UBXN2A: variants seen among roughly 807,000 people sequenced by gnomAD.
The protein encoded by UBXN2A is UBX domain protein 2A.
UBXN2A carries 28 observed loss-of-function variants against 28.4 expected under a neutral mutation model. That is an observed-to-expected ratio of 0.99 (90% CI 0.73 to 1.35). The LOEUF is 1.35. Among genes scored for constraint, UBXN2A ranks in the 40% most tolerant of loss-of-function variants. UBXN2A has a pLI of 0.00. For synonymous variants in UBXN2A, 97 were observed against 103.6 expected, an observed-to-expected ratio of 0.94 and a Z score of 0.39; for missense variants, 253 against 297.9, an observed-to-expected ratio of 0.85 and a Z score of 1.11.
chr2:23,996,551 A>G (rs1173969160), intron 6 of UBXN2A, among the ~76,000 whole-genome samples: 2 of 141,048 alleles, frequency 1.4e-5, no homozygotes, highest in Non-Finnish European at 3.1e-5. Context: ...ATCTCGGCTC[A>G]CTGCAACCTC....
intron 1 of UBXN2A, among the ~76,000 whole-genome samples, chr2:23,946,911 A>G (rs1335100749): frequency 2.1e-5 from 3 of 141,880 alleles, no homozygotes; most frequent in African/African-American, 7.9e-5. Context: ...TTTTTTTGAG[A>G]CAGGGTCTCA....
intron 1 of UBXN2A, among the ~76,000 whole-genome samples, chr2:23,952,121 C>G (rs969830767): frequency 6.6e-6 from 1 of 152,012 alleles, no homozygotes; most frequent in African/African-American, 2.4e-5. Flanking sequence ...CGCTCGCCAT[C>G]ACACCCGCCT....
At chr2:23,973,080 C>T (rs1445367575) in intron 3 of UBXN2A, among the ~76,000 whole-genome samples, 4 of 150,076 alleles carry the variant, frequency 2.7e-5, no homozygotes, top group East Asian at 2.0e-4. Context: ...AGTGCAATGG[C>T]ACGATCTCAG....
intron 4 of UBXN2A, 148 bp from the exon 5 acceptor site, chr2:23,982,748 T>A (rs755296306): frequency 7.3e-6 from 6 of 816,496 alleles, no homozygotes; most frequent in Non-Finnish European, 1.0e-5. Flanking sequence ...TTAACTACAT[T>A]GTTTTGAATA....
At chr2:23,979,823 G>A (rs570282517) in intron 4 of UBXN2A, among the ~76,000 whole-genome samples, 5 of 151,652 alleles carry the variant, frequency 3.3e-5, no homozygotes, top group Admixed American at 2.0e-4. Flanking sequence ...CTCCTGCCTC[G>A]ATCTGCCAAA....
At chr2:23,975,078 A>G (rs1217024810) in intron 3 of UBXN2A, among the ~76,000 whole-genome samples, 1 of 152,096 alleles carries the variant, frequency 6.6e-6, no homozygotes, top group African/African-American at 2.4e-5. Flanking sequence ...GATAAATATA[A>G]ATTTTTTTAT....
At position 24,004,497 on chromosome 2, in the gene UBXN2A, T is replaced by C. The variant is rs1708765534; in HGVS notation, c.*4630T>C. 6.6e-6 allele frequency: 1 copy of C among 152,078 alleles called. No individual in the cohort carries two copies. The highest frequency in any genetic ancestry group is 2.1e-4 in the South Asian group (1 of 4,824). 9.4% of individuals were successfully genotyped at this position (152,078 alleles called of 1,614,324 possible). A position where few individuals can be genotyped will look rare whatever the true frequency, so the allele number is the denominator to read the frequency against. On this transcript the variant is annotated 3_prime_UTR_variant, in exon 7 of 7. Coordinates refer to ENST00000309033, the MANE Select transcript of UBXN2A (RefSeq NM_181713.4). ...GGGGAAACCCCGTCTATACTAAAAATACAAAAATTAGCTGGGTGTAGTGGT... is the reference window on the plus strand; with the variant it reads ...GGGGAAACCCCGTCTATACTAAAAACACAAAAATTAGCTGGGTGTAGTGGT...
intron 1 of UBXN2A, among the ~76,000 whole-genome samples, chr2:23,955,221 G>A (rs544954517): frequency 7.2e-5 from 11 of 152,058 alleles, no homozygotes; most frequent in Admixed American, 2.6e-4. Flanking sequence ...GTGAGCCATC[G>A]CACCCGGCTG....
chr2:23,943,896 C>T (rs1705896947), intron 1 of UBXN2A: 1 of 405,602 alleles, frequency 2.5e-6, no homozygotes, highest in South Asian at 2.1e-5. Flanking sequence ...CCTCCGAGCG[C>T]ACTTTAGCCC....
intron 6 of UBXN2A, among the ~76,000 whole-genome samples, chr2:23,987,181 A>AT (rs200706562): frequency 1.3e-5 from 2 of 151,682 alleles, no homozygotes; most frequent in African/African-American, 2.4e-5. Context: ...TTTTAAAAAA[A>AT]TTTTTTTTCA....
upstream of UBXN2A, among the ~76,000 whole-genome samples, chr2:23,936,752 C>A (rs375711905): frequency 6.6e-6 from 1 of 152,108 alleles, no homozygotes; most frequent in African/African-American, 2.4e-5. Flanking sequence ...GCTCTGTCAC[C>A]CAGGCTGGAG....
At chr2:23,950,103 T>A (rs1208315819) in intron 1 of UBXN2A, among the ~76,000 whole-genome samples, 1 of 149,390 alleles carries the variant, frequency 6.7e-6, no homozygotes, top group Non-Finnish European at 1.5e-5. Context: ...ATGGTACTTA[T>A]CCTCAGCGAT....
chr2:23,993,032 C>T (rs945963863), intron 6 of UBXN2A, among the ~76,000 whole-genome samples: 4 of 152,134 alleles, frequency 2.6e-5, no homozygotes, highest in Non-Finnish European at 4.4e-5. Flanking sequence ...ATGTGTTTGG[C>T]TCTCTTGAAG....
At chr2:23,996,537 C>T (rs988044552) in intron 6 of UBXN2A, among the ~76,000 whole-genome samples, 3 of 148,770 alleles carry the variant, frequency 2.0e-5, no homozygotes, top group African/African-American at 5.0e-5. Context: ...AGTGCAGTGG[C>T]ACGATCTCGG....
intron 6 of UBXN2A, among the ~76,000 whole-genome samples, chr2:23,990,650 T>C (rs1181283054): frequency 6.6e-6 from 1 of 151,610 alleles, no homozygotes; most frequent in East Asian, 1.9e-4. Flanking sequence ...GGCCCACTCC[T>C]GTAATCCCAG....
chr2:23,967,115 A>C (rs1423563688), intron 2 of UBXN2A, among the ~76,000 whole-genome samples: 1 of 151,874 alleles, frequency 6.6e-6, no homozygotes, highest in African/African-American at 2.4e-5. Context: ...TACTCTTACT[A>C]TACATTTCCA....
At chr2:23,984,425 A>T (rs1234708501) in intron 5 of UBXN2A, among the ~76,000 whole-genome samples, 1 of 152,168 alleles carries the variant, frequency 6.6e-6, no homozygotes, top group Non-Finnish European at 1.5e-5. Flanking sequence ...GCACTACTCA[A>T]ATAATACCAG....
At position 24,004,319 on chromosome 2, in the gene UBXN2A, G is replaced by T. The variant is rs1340099186; in HGVS notation, c.*4452G>T. 1 of 152,186 alleles carries T rather than the reference G, an allele frequency of 6.6e-6. No homozygotes were observed. Among genetic ancestry groups the T allele is most frequent in the Non-Finnish European group, 1.5e-5 (1 of 68,026 alleles). The allele number at this position is 152,186 out of a possible 1,614,324, so 9.4% of individuals were successfully genotyped here. A position where few individuals can be genotyped will look rare whatever the true frequency, so the allele number is the denominator to read the frequency against. On this transcript the variant is annotated 3_prime_UTR_variant, in exon 7 of 7. Coordinates refer to ENST00000309033, the MANE Select transcript of UBXN2A (RefSeq NM_181713.4). ...TGACCTAAGCAATTGTTTCAAAACT[G>T]TCTTCAGTTTCTTGAAAATAATTGT...
intron 2 of UBXN2A, among the ~76,000 whole-genome samples, chr2:23,970,973 T>C (rs1296322261): frequency 2.0e-5 from 3 of 152,148 alleles, no homozygotes; most frequent in African/African-American, 7.2e-5. Context: ...CCACCTGCTG[T>C]GCAACCTGGT....
Sources: gnomAD v4.1 joint callset for allele counts (sites outside exome capture counted in the v4.1 genomes callset) on GRCh38, gnomAD v4.1.1 for gene constraint, MANE v1.5 for transcripts, NCBI Gene and HGNC (gene_info 2026-07-23, HGNC 2026-07-21) for gene names.